The following MPP2 variants were observed in gnomAD, a reference collection of about 807,000 sequenced individuals.
MPP2 encodes the protein MAGUK p55 subfamily member 2.
In MPP2, 42 loss-of-function variants were observed where a neutral mutation model predicts 58.5. The observed-to-expected ratio is 0.72, with a 90% CI of 0.56 to 0.93. MPP2 has a LOEUF of 0.93. Among genes scored for constraint, MPP2 ranks in the 40% least tolerant of loss-of-function variants. The pLI is 0.00. For synonymous variants in MPP2, 300 were observed against 307.8 expected (o/e 0.97, Z 0.26); for missense variants, 632 against 760.4 (o/e 0.83, Z 1.99).
chr17:43,880,666 T>A lies in MPP2; in HGVS notation c.1150+25A>T, dbSNP rs759267301. On this transcript the variant is annotated intron_variant, in intron 10 of 12. Transcript: ENST00000269095. This position sits in a 1 kb window ranked among gnomAD's most constrained non-coding sequence, Gnocchi z 5.2. ...GGGAGCCCTGCTCCTTGTCCCCAAC[T>A]CAGCAGGGCCCAGCTCCCACTCACA... 6.3e-7 allele frequency: 1 copy of A among 1,578,638 alleles called. No individual in the cohort carries two copies. The highest frequency in any genetic ancestry group is 8.6e-7 in the Non-Finnish European group (1 of 1,158,298).
chr17:43,909,240 A>G (rs2048380497), upstream of MPP2, among the ~76,000 whole-genome samples: 2 of 151,666 alleles, frequency 1.3e-5, no homozygotes, highest in Non-Finnish European at 2.9e-5. Context: ...CTAATTTTGT[A>G]TTTTTAGTAG....
chr17:43,894,658 G>C (rs1189833763), intron 3 of MPP2, among the ~76,000 whole-genome samples: 1 of 144,928 alleles, frequency 6.9e-6, no homozygotes, highest in African/African-American at 2.5e-5. Flanking sequence ...CAAAGGTAGA[G>C]CCAGTCATGG....
chr17:43,901,158 G>A, intron 2 of MPP2: 2 of 640,260 alleles, frequency 3.1e-6, no homozygotes, highest in Non-Finnish European at 3.9e-6. Context: ...CCTCACTTGG[G>A]CATGGGGCAA....
rs231521 is a variant in MPP2, at chr17:43,877,790, A to G, written c.*17T>C. Reference sequence around the variant, plus strand: ...TGGGTTTCAACACAGAGTGAGCCAAAGACCAGGTGAACAGGCTCAGTACAC... The same window carrying G: ...TGGGTTTCAACACAGAGTGAGCCAAGGACCAGGTGAACAGGCTCAGTACAC... On this transcript the variant is annotated 3_prime_UTR_variant, in exon 13 of 13. Coordinates refer to ENST00000269095, the MANE Select transcript of MPP2 (RefSeq NM_005374.5). The G allele has an allele frequency of 0.87, 1,400,603 of 1,605,354 alleles. 612,041 individuals are homozygous for G. The highest frequency in any genetic ancestry group is 1 in the East Asian group (44,722 of 44,738).
Position 43,891,171 on chromosome 17 carries a change from G to C in MPP2, c.150+7091C>G, listed in dbSNP as rs377653610. Reference sequence around the variant, plus strand: ...ACCCTAGCCTCCCCACAGAACAAGAGGCCTCCCTGTGAACTCTAGTCTGAA... The same window carrying C: ...ACCCTAGCCTCCCCACAGAACAAGACGCCTCCCTGTGAACTCTAGTCTGAA... On this transcript the variant is annotated intron_variant, in intron 3 of 12. Coordinates refer to ENST00000269095, the MANE Select transcript of MPP2 (RefSeq NM_005374.5). Among the ~76,000 whole-genome samples, 15 of 152,242 alleles carry C rather than the reference G, an allele frequency of 9.9e-5. No homozygotes were observed. The South Asian group carries it at 1.7e-3, about 17-fold the overall frequency.
At chr17:43,907,611 G>C, upstream of MPP2, 2 of 985,654 alleles carry the variant, frequency 2.0e-6, no homozygotes, top group African/African-American at 1.7e-5. Flanking sequence ...GAGGAGAGGG[G>C]AGGTGAGGAG....
At chr17:43,888,077 T>C (rs1176069346) in intron 3 of MPP2, among the ~76,000 whole-genome samples, 1 of 152,228 alleles carries the variant, frequency 6.6e-6, no homozygotes, top group Non-Finnish European at 1.5e-5. Context: ...AAAATTTGTT[T>C]AGCCATGAGA....
intron 3 of MPP2, among the ~76,000 whole-genome samples, chr17:43,888,469 C>T (rs2047461795): frequency 1.3e-5 from 2 of 152,358 alleles, no homozygotes; most frequent in South Asian, 4.1e-4. Context: ...CTCTGTTACC[C>T]TGTGCCTAGG....
intron 2 of MPP2, chr17:43,901,434 G>C: frequency 1.0e-6 from 1 of 985,514 alleles, no homozygotes. Flanking sequence ...ACAGGGAAAA[G>C]TGTGGGCAGA....
rs534396760 is a variant in MPP2, at chr17:43,882,202, G to A, written c.681+82C>T. The A allele has an allele frequency of 2.7e-5, 36 of 1,309,438 alleles. No individual in the cohort carries two copies. The South Asian group carries it at 3.4e-4, about 12-fold the overall frequency. 81.1% of individuals were successfully genotyped at this position (1,309,438 alleles called of 1,614,324 possible). ...TTCCCTGGAGGAAACCAGTAGGAGA[G>A]GAGGGCCTCCGTGAGACCTGCAACC... On this transcript the variant is annotated intron_variant, in intron 6 of 12. Transcript: ENST00000269095.
At position 43,898,334 on chromosome 17, in the gene MPP2, C is replaced by G. The variant is rs150562864; in HGVS notation, c.78G>C (p.Thr26=). The change falls in exon 3 of 13, where the codon ACG becomes ACC. Residue 26 remains threonine, a synonymous_variant. Coordinates refer to ENST00000269095, the MANE Select transcript of MPP2 (RefSeq NM_005374.5). ...AGATCAGGTCCAGCTCTGCAGCCCC[C>G]GTGGCACTGGGGAGGGATCCCAAGT... is the stretch of plus-strand genomic sequence containing the variant. The part of the protein sequence containing the change: ...LDNLGSLPSA[T]GAAELDLIFL... 1 of 1,614,194 alleles carries G rather than the reference C, an allele frequency of 6.2e-7. No homozygotes were observed. Among genetic ancestry groups the G allele is most frequent in the African/African-American group, 1.3e-5 (1 of 75,048 alleles).
chr17:43,896,860 C>T (rs904413148), intron 3 of MPP2, among the ~76,000 whole-genome samples: 5 of 152,048 alleles, frequency 3.3e-5, no homozygotes, highest in Non-Finnish European at 7.4e-5. Flanking sequence ...GCAATTAGGT[C>T]TGATTTCCCA....
At chr17:43,899,821 C>CA (rs112351611) in intron 2 of MPP2, among the ~76,000 whole-genome samples, 3,288 of 152,056 alleles carry the variant, frequency 0.022, 85 homozygotes, top group African/African-American at 0.064. Context: ...CACTCACTGA[C>CA]AGAGGTGGGA....
chr17:43,909,340 GCAGGCATGAGC>G (rs2048381927), upstream of MPP2, among the ~76,000 whole-genome samples: 1 of 151,996 alleles, frequency 6.6e-6, no homozygotes. Context: ...TGCTGGGATT[GCAGGCATGAGC>G]CACTGCACCC....
chr17:43,905,478 C>T (rs1311896792), intron 1 of MPP2: 3 of 152,372 alleles, frequency 2.0e-5, no homozygotes, highest in Non-Finnish European at 4.4e-5. Flanking sequence ...GTCTACAGCC[C>T]CAGTTTCCAT....
chr17:43,907,749 T>C (rs887647438), upstream of MPP2: 130 of 985,346 alleles, frequency 1.3e-4, no homozygotes, highest in Non-Finnish European at 1.5e-4. Context: ...TGGGAAGGGT[T>C]AGGGAGGCAG....
At chr17:43,882,869 A>C (rs773936388) in intron 5 of MPP2, 34 bp downstream of exon 5, 7 of 1,612,224 alleles carry the variant, frequency 4.3e-6, no homozygotes, top group Middle Eastern at 1.8e-4. Context: ...CCCCACCCTC[A>C]CCAGCACCAC....
intron 3 of MPP2, among the ~76,000 whole-genome samples, chr17:43,892,366 T>C (rs1046613778): frequency 2.6e-5 from 4 of 152,214 alleles, no homozygotes; most frequent in African/African-American, 9.7e-5. Flanking sequence ...TCACAGTGCT[T>C]TGTCTATTAG....
chr17:43,882,274 AG>A lies in MPP2; in HGVS notation c.681+9del. On this transcript the variant is annotated intron_variant, in intron 6 of 12. Transcript: ENST00000269095. ...CATCCCTTGGGCCTTGTGCTGGGTGAGGGGCCCACCTGGCGGGGCAGATGGG... is the reference window on the plus strand; with the variant it reads ...CATCCCTTGGGCCTTGTGCTGGGTGAGGGCCCACCTGGCGGGGCAGATGGG... The A allele has an allele frequency of 1.2e-6, 2 of 1,605,800 alleles. No individual in the cohort carries two copies. The highest frequency in any genetic ancestry group is 1.7e-6 in the Non-Finnish European group (2 of 1,177,308).
Sources: allele counts gnomAD v4.1 joint callset (sites outside exome capture counted in the v4.1 genomes callset), GRCh38; gene constraint gnomAD v4.1.1; non-coding constraint Gnocchi (gnomAD v3.1); transcripts MANE v1.5; gene names NCBI Gene and HGNC (gene_info 2026-07-23, HGNC 2026-07-21).